TSPAN9: variants seen among roughly 807,000 people sequenced by gnomAD.
TSPAN9 encodes tetraspanin-9.
In TSPAN9, 16 loss-of-function variants were observed where a neutral mutation model predicts 31.0. That is an observed-to-expected ratio of 0.52 (90% CI 0.35 to 0.78). The LOEUF (loss-of-function observed/expected upper bound fraction) is 0.78. Among genes scored for constraint, TSPAN9 ranks in the 30% least tolerant of loss-of-function variants. TSPAN9 has a pLI of 0.01. For synonymous variants in TSPAN9, 145 were observed against 121.6 expected, an observed-to-expected ratio of 1.19 and a Z score of -1.27; for missense variants, 272 against 312.5, an observed-to-expected ratio of 0.87 and a Z score of 0.98.
intron 3 of TSPAN9, among the ~76,000 whole-genome samples, chr12:3,241,378 A>G (rs2098396487): frequency 6.6e-6 from 1 of 152,228 alleles, no homozygotes; most frequent in South Asian, 2.1e-4. Context: ...ATTATATATT[A>G]TGAACATACA....
chr12:3,189,600 T>C (rs2098363251), intron 2 of TSPAN9, among the ~76,000 whole-genome samples: 1 of 152,102 alleles, frequency 6.6e-6, no homozygotes, highest in Non-Finnish European at 1.5e-5. Context: ...AAAGCACCTT[T>C]TGGGACTGTA....
At chr12:3,084,387 C>CGGCTTCTCCCG (rs1203360057) in intron 2 of TSPAN9, among the ~76,000 whole-genome samples, 1 of 152,122 alleles carries the variant, frequency 6.6e-6, no homozygotes, top group Non-Finnish European at 1.5e-5. Flanking sequence ...TTTTCTCCTG[C>CGGCTTCTCCCG]GGCTTCTCCC....
chr12:3,145,121 C>T (rs2098336549), intron 2 of TSPAN9, among the ~76,000 whole-genome samples: 1 of 152,180 alleles, frequency 6.6e-6, no homozygotes, highest in African/African-American at 2.4e-5. Flanking sequence ...CTTGTGAGCA[C>T]ACAGTGCGTG....
chr12:3,150,793 G>A (rs2098339367), intron 2 of TSPAN9, among the ~76,000 whole-genome samples: 1 of 152,080 alleles, frequency 6.6e-6, no homozygotes, highest in South Asian at 2.1e-4. Context: ...CCCACGCCTG[G>A]CCTGGCCTTG....
At chr12:3,190,303 C>T (rs2098363663) in intron 2 of TSPAN9, among the ~76,000 whole-genome samples, 1 of 152,242 alleles carries the variant, frequency 6.6e-6, no homozygotes, top group African/African-American at 2.4e-5. Context: ...AGTCCATTTC[C>T]ACTGGTGCAT....
At position 3,276,384 on chromosome 12, in the gene TSPAN9, C is replaced by T. The variant is rs545706406; in HGVS notation, c.64-2037C>T. Among the ~76,000 whole-genome samples, 22 of 152,352 alleles carry T rather than the reference C, an allele frequency of 1.4e-4. No homozygotes were observed. The East Asian group carries it at 2.5e-3, about 17-fold the overall frequency. On this transcript the variant is annotated intron_variant, in intron 3 of 8. Transcript: ENST00000011898. Reference sequence around the variant, plus strand: ...GCGAGGTCCCAGCTGGCCTGGCCCCCGGCCACCCCGCCTGCTTTGTCTCCT... The same window carrying T: ...GCGAGGTCCCAGCTGGCCTGGCCCCTGGCCACCCCGCCTGCTTTGTCTCCT...
At chr12:3,221,867 G>A (rs965171552) in intron 3 of TSPAN9, among the ~76,000 whole-genome samples, 5 of 151,974 alleles carry the variant, frequency 3.3e-5, no homozygotes, top group Non-Finnish European at 5.9e-5. Context: ...TGTTGCTTAG[G>A]CTGGTCTCAA....
chr12:3,125,077 A>G (rs1381067848), intron 2 of TSPAN9: 1 of 152,176 alleles, frequency 6.6e-6, no homozygotes. Context: ...AAAACAAAAC[A>G]AAATAACATT....
chr12:3,225,095 A>G (rs756903598), intron 3 of TSPAN9, among the ~76,000 whole-genome samples: 5 of 152,158 alleles, frequency 3.3e-5, no homozygotes, highest in Admixed American at 2.6e-4. Flanking sequence ...TGGAACAGAG[A>G]CAAAGAATCA....
At chr12:3,160,325 C>T (rs557499483) in intron 2 of TSPAN9, among the ~76,000 whole-genome samples, 4 of 152,202 alleles carry the variant, frequency 2.6e-5, no homozygotes, top group Admixed American at 6.5e-5. Context: ...GGGTATGCTA[C>T]GTTTTGTTTA....
intron 3 of TSPAN9, among the ~76,000 whole-genome samples, chr12:3,217,912 A>T (rs930675785): frequency 2.0e-5 from 3 of 152,072 alleles, no homozygotes; most frequent in African/African-American, 7.2e-5. Flanking sequence ...TGACCTTCTC[A>T]TCTATAAAAT....
chr12:3,194,997 G>T (rs969650503), intron 2 of TSPAN9, among the ~76,000 whole-genome samples: 6 of 152,210 alleles, frequency 3.9e-5, no homozygotes, highest in African/African-American at 1.4e-4. Flanking sequence ...TTTAAAAATT[G>T]GGGGGAGGTG....
chr12:3,210,185 C>G (rs1174275098), intron 3 of TSPAN9, among the ~76,000 whole-genome samples: 1 of 151,632 alleles, frequency 6.6e-6, no homozygotes, highest in Non-Finnish European at 1.5e-5. Context: ...GTTCCATGGA[C>G]CACACCTTGA....
At chr12:3,152,511 G>A (rs1591650206) in intron 2 of TSPAN9, among the ~76,000 whole-genome samples, 1 of 152,240 alleles carries the variant, frequency 6.6e-6, no homozygotes, top group African/African-American at 2.4e-5. Flanking sequence ...AAAAGAATGA[G>A]GGAAGGACAG....
chr12:3,129,631 G>C (rs2098328873), intron 2 of TSPAN9, among the ~76,000 whole-genome samples: 1 of 152,218 alleles, frequency 6.6e-6, no homozygotes, highest in South Asian at 2.1e-4. Context: ...TAACTACCTT[G>C]TAGGGCTGTT....
chr12:3,243,015 C>T (rs2098397409), intron 3 of TSPAN9, among the ~76,000 whole-genome samples: 2 of 152,182 alleles, frequency 1.3e-5, no homozygotes. Flanking sequence ...CCTAACCAGT[C>T]TCTGAATCAG....
intron 1 of TSPAN9, among the ~76,000 whole-genome samples, chr12:3,081,838 G>GTATATATATATA (rs1456999682): frequency 3.5e-4 from 11 of 31,032 alleles, no homozygotes; most frequent in East Asian, 3.6e-3. Flanking sequence ...GTGTGTGTCT[G>GTATATATATATA]TGTGTGTATA....
intron 2 of TSPAN9, among the ~76,000 whole-genome samples, chr12:3,124,418 A>G (rs938953722): frequency 6.6e-6 from 1 of 152,040 alleles, no homozygotes; most frequent in Non-Finnish European, 1.5e-5. Flanking sequence ...AATTAGTTAT[A>G]TAAATTTTGA....
At chr12:3,106,860 G>C (rs2098314961) in intron 2 of TSPAN9, among the ~76,000 whole-genome samples, 1 of 152,210 alleles carries the variant, frequency 6.6e-6, no homozygotes, top group African/African-American at 2.4e-5. Context: ...GGCTTCTCAA[G>C]CTCAGGCTGA....
Sources: gnomAD v4.1 joint callset for allele counts (sites outside exome capture counted in the v4.1 genomes callset) on GRCh38, gnomAD v4.1.1 for gene constraint, MANE v1.5 for transcripts, NCBI Gene and HGNC (gene_info 2026-07-23, HGNC 2026-07-21) for gene names.